Variants in FGF14 observed in about 807,000 individuals in gnomAD.
FGF14 encodes fibroblast growth factor homologous factor 4.
In FGF14, 5 loss-of-function variants were observed where a neutral mutation model predicts 25.5. That is an observed-to-expected ratio of 0.20 (90% CI 0.10 to 0.41). FGF14 has a LOEUF of 0.41. Ranked by LOEUF, FGF14 falls within the 10% of genes least tolerant of loss-of-function variation. The probability of loss-of-function intolerance (pLI) is 1.00; values close to 1 mark genes in which losing one functional copy is unlikely to be tolerated. For missense variants in FGF14, 222 were observed against 320.1 expected, an observed-to-expected ratio of 0.69 and a Z score of 2.34; for synonymous variants, 138 against 118.3, an observed-to-expected ratio of 1.17 and a Z score of -1.08.
At chr13:102,146,236 T>G (rs911394502) in intron 1 of FGF14, among the ~76,000 whole-genome samples, 1 of 152,218 alleles carries the variant, frequency 6.6e-6, no homozygotes, top group Non-Finnish European at 1.5e-5. Flanking sequence ...CTTAGATTGA[T>G]GCTAGTGGCT....
chr13:102,292,968 C>G (rs2054506456), intron 1 of FGF14: 1 of 152,276 alleles, frequency 6.6e-6, no homozygotes. Context: ...AAGATCACAT[C>G]TGCGCAACTC....
chr13:101,948,142 A>C (rs892160142), intron 1 of FGF14, among the ~76,000 whole-genome samples: 1 of 152,236 alleles, frequency 6.6e-6, no homozygotes, highest in African/African-American at 2.4e-5. Context: ...GCAATGGTAC[A>C]TAGTAAATGC....
chr13:102,313,876 T>C (rs2055892371), intron 1 of FGF14, among the ~76,000 whole-genome samples: 1 of 152,114 alleles, frequency 6.6e-6, no homozygotes, highest in Non-Finnish European at 1.5e-5. Flanking sequence ...GTACTAGACG[T>C]TCAAGACAGA....
chr13:102,149,466 A>G (rs978407288), intron 1 of FGF14, among the ~76,000 whole-genome samples: 1 of 152,248 alleles, frequency 6.6e-6, no homozygotes, highest in Non-Finnish European at 1.5e-5. Context: ...AGACCCTGAC[A>G]TCACACTCAT....
At chr13:102,251,532 G>T (rs1390277598) in intron 1 of FGF14, among the ~76,000 whole-genome samples, 2 of 152,182 alleles carry the variant, frequency 1.3e-5, no homozygotes, top group African/African-American at 2.4e-5. Context: ...GACTGCTGCA[G>T]ACAGTAAAGT....
intron 1 of FGF14, among the ~76,000 whole-genome samples, chr13:102,068,166 C>A (rs931856995): frequency 5.3e-5 from 8 of 152,218 alleles, no homozygotes; most frequent in African/African-American, 1.9e-4. Context: ...AAAGGTAGTT[C>A]TTCAATCCAA....
At position 101,804,687 on chromosome 13, in the gene FGF14, T is replaced by C. The variant is rs189734908; in HGVS notation, c.408+64038A>G. ...CATACAAAATACATATATATATATA[T>C]ACACACACACATACATATATACATA... On this transcript the variant is annotated intron_variant, in intron 3 of 4. Transcript: ENST00000376143. 2.9e-3 allele frequency among the ~76,000 whole-genome samples: 443 copies of C among 151,836 alleles called. 2 individuals carry two copies. Among genetic ancestry groups the C allele is most frequent in the African/African-American group, 9.7e-3 (400 of 41,292 alleles).
intron 1 of FGF14, among the ~76,000 whole-genome samples, chr13:101,876,330 T>C (rs1321123009): frequency 6.6e-6 from 1 of 152,334 alleles, no homozygotes; most frequent in Non-Finnish European, 1.5e-5. Context: ...AACAGCTGAA[T>C]GGGCCATGCT....
At chr13:102,385,161 T>C (rs1393861029) in intron 1 of FGF14, among the ~76,000 whole-genome samples, 1 of 152,224 alleles carries the variant, frequency 6.6e-6, no homozygotes, top group African/African-American at 2.4e-5. Flanking sequence ...CTGTGAAGTT[T>C]TGAATAGCCT....
chr13:101,788,923 G>GAGAC (rs1375629446), intron 3 of FGF14, among the ~76,000 whole-genome samples: 1 of 27,438 alleles, frequency 3.6e-5, no homozygotes, highest in African/African-American at 6.8e-5. Context: ...GAGAGAGAGA[G>GAGAC]AGAGAGAGAG....
chr13:101,753,504 T>G (rs992625790), intron 3 of FGF14, among the ~76,000 whole-genome samples: 3 of 152,194 alleles, frequency 2.0e-5, no homozygotes, highest in African/African-American at 7.2e-5. Flanking sequence ...AATATTTTTC[T>G]TATTAAAATT....
At chr13:102,025,889 G>C (rs561567718) in intron 1 of FGF14, among the ~76,000 whole-genome samples, 1 of 151,882 alleles carries the variant, frequency 6.6e-6, no homozygotes, top group Non-Finnish European at 1.5e-5. Flanking sequence ...AGTTCTAATA[G>C]TTGTGTTTGT....
At position 101,722,638 on chromosome 13, in the gene FGF14, A is replaced by C. The variant is rs139476945; in HGVS notation, c.*193T>G. On this transcript the variant is annotated 3_prime_UTR_variant, in exon 5 of 5. Transcript: ENST00000376143. ...ATGGTCTGAGTTTAGCTGGTTATCC[A>C]GGTGTCTTCTTGTTGTGGGGGGTGC... The C allele has an allele frequency of 1.5e-6, 1 of 676,910 alleles. No individual in the cohort carries two copies. Among genetic ancestry groups the C allele is most frequent in the East Asian group, 2.8e-5 (1 of 36,006 alleles). 41.9% of individuals were successfully genotyped at this position (676,910 alleles called of 1,614,324 possible).
At chr13:102,010,692 C>T (rs1338973524) in intron 1 of FGF14, among the ~76,000 whole-genome samples, 1 of 152,124 alleles carries the variant, frequency 6.6e-6, no homozygotes, top group African/African-American at 2.4e-5. Flanking sequence ...ATGTTAACTT[C>T]CCTTGATTTC....
At chr13:102,202,137 A>C (rs1443114928) in intron 1 of FGF14, among the ~76,000 whole-genome samples, 2 of 152,154 alleles carry the variant, frequency 1.3e-5, no homozygotes, top group African/African-American at 2.4e-5. Context: ...GCCTCCCCAG[A>C]AGCAGATGCT....
At chr13:102,376,720 T>C (rs1009973465) in intron 1 of FGF14, among the ~76,000 whole-genome samples, 1 of 152,252 alleles carries the variant, frequency 6.6e-6, no homozygotes. Context: ...TGAAGTTTAA[T>C]TGCTGCTGGG....
At chr13:102,076,247 G>A (rs531061900) in intron 1 of FGF14, among the ~76,000 whole-genome samples, 1 of 152,206 alleles carries the variant, frequency 6.6e-6, no homozygotes, top group Admixed American at 6.5e-5. Flanking sequence ...GCCCTAGGCA[G>A]GTGTATCACT....
chr13:102,064,179 A>G (rs1471527779), intron 1 of FGF14, among the ~76,000 whole-genome samples: 2 of 152,156 alleles, frequency 1.3e-5, no homozygotes, highest in Non-Finnish European at 2.9e-5. Context: ...GAAAAGAACT[A>G]AGGTACCACC....
chr13:102,210,667 A>G (rs1269754276), intron 1 of FGF14, among the ~76,000 whole-genome samples: 1 of 152,142 alleles, frequency 6.6e-6, no homozygotes, highest in Non-Finnish European at 1.5e-5. Flanking sequence ...ACTATTGCCT[A>G]TCCAGAACCT....
Sources: allele counts gnomAD v4.1 joint callset (sites outside exome capture counted in the v4.1 genomes callset), GRCh38; gene constraint gnomAD v4.1.1; transcripts MANE v1.5; gene names NCBI Gene and HGNC (gene_info 2026-07-23, HGNC 2026-07-21).